PLCB4: variants seen among roughly 807,000 people sequenced by gnomAD.
PLCB4 encodes phospholipase C beta 4.
In PLCB4, 77 loss-of-function variants were observed where a neutral mutation model predicts 178.8. The observed-to-expected ratio is 0.43, with a 90% CI of 0.36 to 0.52. The LOEUF is 0.52. PLCB4 is among the 20% of genes least tolerant of loss of function. PLCB4 has a pLI of 0.00. For synonymous variants in PLCB4, 496 were observed against 490.8 expected (o/e 1.01, Z -0.14); for missense variants, 1,024 against 1,453.4 (o/e 0.70, Z 4.80).
Position 9,459,728 on chromosome 20 carries a change from A to G in PLCB4, c.3166A>G (p.Ser1056Gly). The change falls in exon 35 of 40, where the codon AGC (serine) becomes GGC (glycine). Residue 1056 changes from serine to glycine, a missense_variant. Ser to Gly is a moderately conservative substitution (Grantham distance 56). Transcript: ENST00000378473. ...EEQEIRDLHL[S>G]QQCELLKKLL... Reference sequence around the variant, plus strand: ...GCAAGAAATCCGAGACCTGCACCTCAGCCAGCAGTGTGAGCTGCTGAAAAA... The same window carrying G: ...GCAAGAAATCCGAGACCTGCACCTCGGCCAGCAGTGTGAGCTGCTGAAAAA... 2.5e-6 allele frequency: 4 copies of G among 1,612,524 alleles called. No individual in the cohort carries two copies. The highest frequency in any genetic ancestry group is 3.4e-6 in the Non-Finnish European group (4 of 1,178,566).
At chr20:9,218,697 T>C (rs2093761650) in intron 3 of PLCB4, among the ~76,000 whole-genome samples, 1 of 152,232 alleles carries the variant, frequency 6.6e-6, no homozygotes, top group South Asian at 2.1e-4. Context: ...TCGCACAACC[T>C]GACACTTCTC....
At chr20:9,472,139 T>G (rs1332664780) in intron 36 of PLCB4, among the ~76,000 whole-genome samples, 1 of 152,102 alleles carries the variant, frequency 6.6e-6, no homozygotes, top group Non-Finnish European at 1.5e-5. Context: ...TAAGACTAAG[T>G]GGTAAGCTAT....
intron 2 of PLCB4, among the ~76,000 whole-genome samples, chr20:9,151,723 T>C (rs2092695249): frequency 6.6e-6 from 1 of 151,940 alleles, no homozygotes; most frequent in South Asian, 2.1e-4. Flanking sequence ...TTGGTACCAG[T>C]AGAGTGGGGC....
intron 1 of PLCB4, among the ~76,000 whole-genome samples, chr20:9,073,730 A>G (rs1483591099): frequency 1.3e-5 from 2 of 152,048 alleles, no homozygotes; most frequent in African/African-American, 4.8e-5. Flanking sequence ...AAAAAATACC[A>G]ATAAAAAAAT....
chr20:9,229,943 A>G (rs188590767), intron 3 of PLCB4, among the ~76,000 whole-genome samples: 2 of 152,198 alleles, frequency 1.3e-5, no homozygotes, highest in African/African-American at 4.8e-5. Flanking sequence ...AATGTATTAC[A>G]CTTTTTTTTT....
chr20:9,405,824 A>C (rs548517198), intron 21 of PLCB4, among the ~76,000 whole-genome samples: 1 of 152,190 alleles, frequency 6.6e-6, no homozygotes, highest in Non-Finnish European at 1.5e-5. Flanking sequence ...CAGTGGTTTT[A>C]TTTAGTAAGT....
chr20:9,152,620 A>G (rs900601253), intron 2 of PLCB4, among the ~76,000 whole-genome samples: 1 of 152,196 alleles, frequency 6.6e-6, no homozygotes, highest in Non-Finnish European at 1.5e-5. Flanking sequence ...TGCCCAGGCA[A>G]AAGTTTGCTG....
chr20:9,119,661 C>T (rs2091895445), intron 2 of PLCB4, among the ~76,000 whole-genome samples: 1 of 152,132 alleles, frequency 6.6e-6, no homozygotes, highest in South Asian at 2.1e-4. Context: ...GTTATATAAG[C>T]CTACAAGTTT....
chr20:9,355,103 C>G (rs1232100206), intron 7 of PLCB4, among the ~76,000 whole-genome samples: 2 of 152,142 alleles, frequency 1.3e-5, no homozygotes, highest in East Asian at 3.9e-4. Flanking sequence ...GTGCTGGGAA[C>G]TACCAGTCTA....
chr20:9,171,322 G>A (rs982258526), intron 2 of PLCB4, among the ~76,000 whole-genome samples: 14 of 152,100 alleles, frequency 9.2e-5, no homozygotes, highest in East Asian at 1.9e-4. Context: ...GACAGTTTAC[G>A]TTTCCTTGCT....
chr20:9,130,103 G>T (rs2092233866), intron 2 of PLCB4, among the ~76,000 whole-genome samples: 1 of 152,104 alleles, frequency 6.6e-6, no homozygotes, highest in African/African-American at 2.4e-5. Context: ...TGCTACTCAA[G>T]ATGAAAATGC....
Position 9,076,034 on chromosome 20 carries a change from G to C in PLCB4, c.-135+6828G>C, listed in dbSNP as rs557210046. 3.3e-5 allele frequency among the ~76,000 whole-genome samples: 5 copies of C among 152,200 alleles called. No individual in the cohort carries two copies. In the East Asian group the frequency reaches 7.7e-4, roughly 24 times the overall value. On this transcript the variant is annotated intron_variant, in intron 1 of 39. Transcript: ENST00000378473. ...AGGTTGTTATGGTCATTTATTTCCA[G>C]TGTACATAGATTTCAGATTCTGAAT...
intron 2 of PLCB4, among the ~76,000 whole-genome samples, chr20:9,101,914 G>A (rs971395537): frequency 5.3e-5 from 8 of 150,404 alleles, no homozygotes; most frequent in Non-Finnish European, 8.9e-5. Flanking sequence ...GCATGATCTC[G>A]GCTCACTGCA....
Position 9,307,873 on chromosome 20 carries a change from G to C in PLCB4, c.59G>C (p.Gly20Ala), listed in dbSNP as rs2094789278. ...QKEVPSFLQEGAVFDRYEEES... is the reference protein window; with the variant it reads ...QKEVPSFLQEAAVFDRYEEES... ...GAAGTTCCCTCCTTTTTGCAAGAAG[G>C]AGCAGTTTTTGACAGATACGAGGAG... Residue 20 changes from glycine (G) to alanine (A), a missense_variant, in exon 4 of 40, where the codon GGA (glycine) becomes GCA (alanine). Around this residue, in one of 7 missense-constraint regions of PLCB4, gnomAD observed 225 missense variants for 291.0 expected, o/e 0.77. Coordinates refer to ENST00000378473, the MANE Select transcript of PLCB4 (RefSeq NM_001377142.1). 11 of 1,578,466 alleles carry C rather than the reference G, an allele frequency of 7.0e-6. No individual in the cohort carries two copies. Among genetic ancestry groups the C allele is most frequent in the Non-Finnish European group, 8.7e-6 (10 of 1,148,906 alleles).
intron 2 of PLCB4, among the ~76,000 whole-genome samples, chr20:9,101,131 AGTATGGT>A (rs1445591403): frequency 5.9e-5 from 9 of 152,302 alleles, no homozygotes; most frequent in African/African-American, 2.2e-4. Context: ...ATAGAAAAGA[AGTATGGT>A]GTGAAGCAGC....
Position 9,443,978 on chromosome 20 carries a change from T to C in PLCB4, c.2765-3T>C. 6.4e-7 allele frequency: 1 copy of C among 1,555,412 alleles called. No individual in the cohort carries two copies. Among genetic ancestry groups the C allele is most frequent in the Non-Finnish European group, 8.8e-7 (1 of 1,136,384 alleles). On this transcript the variant is annotated splice_region_variant and splice_polypyrimidine_tract_variant and intron_variant, in intron 30 of 39. Transcript: ENST00000378473. ...AGTGACTTAATTTTTTTTGTTTGTT[T>C]AGGTATTGAACTTATCCCTCAAGTA...
chr20:9,287,812 A>G (rs1247742103), intron 3 of PLCB4, among the ~76,000 whole-genome samples: 1 of 152,114 alleles, frequency 6.6e-6, no homozygotes, highest in Non-Finnish European at 1.5e-5. Context: ...TGCATGATTT[A>G]TCTGCATTTC....
At chr20:9,074,590 C>G (rs949239846) in intron 1 of PLCB4, among the ~76,000 whole-genome samples, 1 of 152,128 alleles carries the variant, frequency 6.6e-6, no homozygotes, top group Non-Finnish European at 1.5e-5. Flanking sequence ...TCTGCAAGTA[C>G]AGAAAGTTTC....
At chr20:9,211,044 G>A (rs1186004690) in intron 2 of PLCB4, among the ~76,000 whole-genome samples, 1 of 152,324 alleles carries the variant, frequency 6.6e-6, no homozygotes, top group East Asian at 1.9e-4. Context: ...GGCATGGTAT[G>A]ATTTGGGCTA....
Sources: gnomAD v4.1 joint callset for allele counts (sites outside exome capture counted in the v4.1 genomes callset) on GRCh38, gnomAD v4.1.1 for gene constraint, gnomAD v4.1.1 regional missense constraint, MANE v1.5 for transcripts, NCBI Gene and HGNC (gene_info 2026-07-23, HGNC 2026-07-21) for gene names.